EPHA6: variants seen among roughly 807,000 people sequenced by gnomAD.
EPHA6 encodes ephrin type-A receptor 6.
A neutral mutation model predicts 112.0 loss-of-function variants in EPHA6; 50 were observed. The ratio of observed to expected loss-of-function variants is 0.45; its 90% CI spans 0.36 to 0.56. The LOEUF (loss-of-function observed/expected upper bound fraction) is 0.56, where lower values mean the gene tolerates loss of function less well. Ranked by LOEUF, EPHA6 falls within the 20% of genes least tolerant of loss-of-function variation. The pLI is 0.00. For synonymous variants in EPHA6, 529 were observed against 490.7 expected (o/e 1.08, Z -1.03); for missense variants, 1,280 against 1,417.4 (o/e 0.90, Z 1.56).
intron 3 of EPHA6, among the ~76,000 whole-genome samples, chr3:96,996,654 C>T (rs551318841): frequency 1.2e-4 from 19 of 152,022 alleles, no homozygotes; most frequent in Non-Finnish European, 2.4e-4. Flanking sequence ...ATTTTCTGAG[C>T]AGTAGGTCTC....
At chr3:97,118,285 G>T (rs2047950055) in intron 3 of EPHA6, among the ~76,000 whole-genome samples, 1 of 151,038 alleles carries the variant, frequency 6.6e-6, no homozygotes, top group Non-Finnish European at 1.5e-5. Flanking sequence ...AATATTATTT[G>T]TCTTTTTTTT....
At chr3:97,572,024 T>C (rs1020483506) in intron 11 of EPHA6, among the ~76,000 whole-genome samples, 31 of 152,200 alleles carry the variant, frequency 2.0e-4, no homozygotes, top group African/African-American at 7.5e-4. Context: ...CAGCATTCTA[T>C]GTATATAATG....
At chr3:97,606,561 A>G (rs1560184339) in intron 12 of EPHA6, among the ~76,000 whole-genome samples, 2 of 151,348 alleles carry the variant, frequency 1.3e-5, no homozygotes, top group Admixed American at 6.6e-5. Flanking sequence ...AGAAAGTTCA[A>G]AGGAAATGTT....
rs562689288 is a variant in EPHA6 at position 97,329,788 on chromosome 3, G to A, written c.1607-75362G>A. Among the ~76,000 whole-genome samples, 4 of 152,190 alleles carry A rather than the reference G, an allele frequency of 2.6e-5. No individual in the cohort carries two copies. The South Asian group carries it at 8.3e-4, about 32-fold the overall frequency. ...AGGTTGCCTGTTCACTCTGATGGTG[G>A]TTTCTTTTGCTGTGCAGAAGCTCTT... On this transcript the variant is annotated intron_variant, in intron 5 of 17. Coordinates refer to ENST00000389672, the MANE Select transcript of EPHA6 (RefSeq NM_001080448.3).
At chr3:96,989,954 A>G (rs1361859050) in intron 3 of EPHA6, among the ~76,000 whole-genome samples, 1 of 152,180 alleles carries the variant, frequency 6.6e-6, no homozygotes, top group Non-Finnish European at 1.5e-5. Flanking sequence ...AGTGGAGAAG[A>G]CAATAAGATC....
chr3:97,298,761 G>A (rs1228803722), intron 5 of EPHA6, among the ~76,000 whole-genome samples: 1 of 151,736 alleles, frequency 6.6e-6, no homozygotes, highest in African/African-American at 2.4e-5. Context: ...TATATTGAAA[G>A]GTTTTTAGAT....
At chr3:97,747,117 A>G (rs1339194469) in intron 16 of EPHA6, among the ~76,000 whole-genome samples, 3 of 151,950 alleles carry the variant, frequency 2.0e-5, no homozygotes, top group Non-Finnish European at 4.4e-5. Flanking sequence ...GAAGGGGGAT[A>G]GCAAGATGTG....
chr3:97,553,810 T>C (rs1477663836), intron 11 of EPHA6, among the ~76,000 whole-genome samples: 1 of 152,140 alleles, frequency 6.6e-6, no homozygotes, highest in Non-Finnish European at 1.5e-5. Flanking sequence ...CTGACAAGAC[T>C]AGCTTGGAAT....
At position 97,566,131 on chromosome 3, in the gene EPHA6, C is replaced by T. The variant is rs540147467; in HGVS notation, c.2387-26481C>T. Among the ~76,000 whole-genome samples the T allele has an allele frequency of 4.6e-5, 7 of 152,060 alleles. No individual in the cohort carries two copies. In the South Asian group the frequency reaches 1.0e-3, roughly 23 times the overall value. ...GTGAGAGTGCCAGGAAACTTACAAT[C>T]GTGGTGGAAGGTAGCAAGTGCATCA... On this transcript the variant is annotated intron_variant, in intron 11 of 17. Transcript: ENST00000389672.
At chr3:96,824,104 T>C (rs543061260) in intron 1 of EPHA6, among the ~76,000 whole-genome samples, 1 of 151,930 alleles carries the variant, frequency 6.6e-6, no homozygotes, top group South Asian at 2.1e-4. Flanking sequence ...GCTTGCTAGT[T>C]TGTTTAATAA....
intron 3 of EPHA6, among the ~76,000 whole-genome samples, chr3:97,064,569 G>A (rs1017917774): frequency 6.6e-6 from 1 of 152,250 alleles, no homozygotes; most frequent in Non-Finnish European, 1.5e-5. Context: ...ACACATAGTA[G>A]TATGTCAATA....
At chr3:97,643,751 A>G (rs1357356916) in intron 14 of EPHA6, among the ~76,000 whole-genome samples, 3 of 151,872 alleles carry the variant, frequency 2.0e-5, no homozygotes, top group Admixed American at 6.6e-5. Flanking sequence ...TCCTAAATAT[A>G]TATGCACCCA....
At chr3:96,953,935 C>T (rs563628776) in intron 2 of EPHA6, among the ~76,000 whole-genome samples, 1 of 152,048 alleles carries the variant, frequency 6.6e-6, no homozygotes, top group South Asian at 2.1e-4. Context: ...TGCAGTGGCG[C>T]AATCTCAGCT....
intron 3 of EPHA6, among the ~76,000 whole-genome samples, chr3:97,069,314 T>C (rs1045283059): frequency 3.3e-5 from 5 of 152,132 alleles, no homozygotes; most frequent in African/African-American, 9.7e-5. Context: ...AGCATAACGT[T>C]CTTCATCCTT....
chr3:97,629,759 C>G (rs546316800), intron 13 of EPHA6, among the ~76,000 whole-genome samples: 2 of 152,040 alleles, frequency 1.3e-5, no homozygotes, highest in East Asian at 3.9e-4. Context: ...ACCAGAATCA[C>G]CATCTTAGAG....
intron 3 of EPHA6, among the ~76,000 whole-genome samples, chr3:97,171,133 A>C (rs2076688864): frequency 6.6e-6 from 1 of 152,212 alleles, no homozygotes; most frequent in South Asian, 2.1e-4. Context: ...GGTTAGTATC[A>C]GCTACAGATT....
chr3:96,865,050 T>C (rs763405687), intron 1 of EPHA6, among the ~76,000 whole-genome samples: 1 of 152,074 alleles, frequency 6.6e-6, no homozygotes, highest in Non-Finnish European at 1.5e-5. Context: ...TTGGTAATTA[T>C]TGAACCTGAG....
intron 14 of EPHA6, among the ~76,000 whole-genome samples, chr3:97,657,374 A>G (rs2094143428): frequency 6.6e-6 from 1 of 151,864 alleles, no homozygotes. Context: ...GTCAAGGAAT[A>G]AACTATTATA....
chr3:97,008,108 C>G (rs1339460426), intron 3 of EPHA6, among the ~76,000 whole-genome samples: 1 of 152,112 alleles, frequency 6.6e-6, no homozygotes, highest in African/African-American at 2.4e-5. Context: ...TGTGGAGTAT[C>G]TTAATGGTGT....
Sources: allele counts gnomAD v4.1 joint callset (sites outside exome capture counted in the v4.1 genomes callset), GRCh38; gene constraint gnomAD v4.1.1; transcripts MANE v1.5; gene names NCBI Gene and HGNC (gene_info 2026-07-23, HGNC 2026-07-21).